TECPR1: variants seen among roughly 807,000 people sequenced by gnomAD.
TECPR1 encodes tectonin beta-propeller repeat-containing protein 1.
TECPR1 carries 122 observed loss-of-function variants against 162.4 expected under a neutral mutation model. The observed-to-expected ratio is 0.75, with a 90% CI of 0.65 to 0.87. TECPR1 has a LOEUF of 0.87. TECPR1 is among the 40% of genes least tolerant of loss of function. The pLI, the probability that TECPR1 is intolerant of heterozygous loss-of-function variation, is 0.00. For synonymous variants in TECPR1, 642 were observed against 670.6 expected (o/e 0.96, Z 0.66); for missense variants, 1,432 against 1,618.2 (o/e 0.88, Z 1.97).
At chr7:98,224,698 G>A (rs1364585673) in intron 19 of TECPR1, 103 bp downstream of exon 19, 1 of 1,170,418 alleles carries the variant, frequency 8.5e-7, no homozygotes, top group African/African-American at 1.5e-5. Flanking sequence ...CAGGCCTAGG[G>A]GGCAGGGTTC....
intron 6 of TECPR1, 29 bp downstream of exon 6, chr7:98,243,438 G>T (rs778843570): frequency 9.0e-5 from 145 of 1,610,352 alleles, no homozygotes; most frequent in Non-Finnish European, 1.1e-4. Context: ...ATCGTGGGGA[G>T]CCAGGGCAGG....
In TECPR1 at chr7:98,217,373, AGGTGTGTGGG is replaced by A; in HGVS notation, c.*7_*16del. 6.8e-7 allele frequency: 1 copy of A among 1,467,532 alleles called. No homozygotes were observed. Among genetic ancestry groups the A allele is most frequent in the Non-Finnish European group, 9.3e-7 (1 of 1,072,316 alleles). The allele number at this position is 1,467,532 out of a possible 1,614,324, so 90.9% of individuals were successfully genotyped here. The stretch of plus-strand genomic sequence containing the variant: ...CAAACTGGGCACCGTCCCTGCATGT[AGGTGTGTGGG>A]GGGGCCTCAGCAGCAGACGGGGCCA... On this transcript the variant is annotated 3_prime_UTR_variant, in exon 26 of 26. Coordinates refer to ENST00000447648, the MANE Select transcript of TECPR1 (RefSeq NM_015395.3).
At chr7:98,227,385 C>T (rs570275807) in intron 17 of TECPR1, among the ~76,000 whole-genome samples, 9 of 141,464 alleles carry the variant, frequency 6.4e-5, no homozygotes, top group African/African-American at 1.8e-4. Context: ...GGGCGAGACT[C>T]GGTCTCAAAA....
In TECPR1 at chr7:98,233,891, T is replaced by C; in HGVS notation, c.1202A>G (p.Asp401Gly). 6.5e-7 allele frequency: 1 copy of C among 1,541,462 alleles called. No homozygotes were observed. The highest frequency in any genetic ancestry group is 1.2e-5 in the South Asian group (1 of 83,662). The stretch of plus-strand genomic sequence containing the variant: ...AGACTCGCCACTACCCCTCACCTCA[T>C]CACCGAAGAAGCAGCCGGCACTGGG... ...SLLSAGCFFG[D>G]EVRGSGESAP... The change falls in exon 11 of 26, where the codon GAT becomes GGT. Residue 401 changes from aspartate to glycine, a missense_variant. Coordinates refer to ENST00000447648, the MANE Select transcript of TECPR1 (RefSeq NM_015395.3).
chr7:98,220,537 A>G (rs1798114817), intron 23 of TECPR1, among the ~76,000 whole-genome samples: 1 of 145,128 alleles, frequency 6.9e-6, no homozygotes, highest in African/African-American at 2.6e-5. Flanking sequence ...AGTAGCTGGG[A>G]TTATAGGTGC....
intron 21 of TECPR1, chr7:98,222,750 G>T: frequency 1.3e-6 from 1 of 783,324 alleles, no homozygotes; most frequent in East Asian, 2.5e-5. Flanking sequence ...GCACCTCACC[G>T]GGGTGCTGAC....
Position 98,223,056 on chromosome 7 carries a change from G to A in TECPR1, c.2862C>T (p.Ala954=), listed in dbSNP as rs370998529. Residue 954 remains alanine, a synonymous_variant, in exon 21 of 26, where the codon GCC becomes GCT. Coordinates refer to ENST00000447648, the MANE Select transcript of TECPR1 (RefSeq NM_015395.3). Reference sequence around the variant, plus strand: ...CCCCCTTGTCGCTGACGGCCCAGAGGGCGATGCTGTGCCCACTCCCCTCGG... The same window carrying A: ...CCCCCTTGTCGCTGACGGCCCAGAGAGCGATGCTGTGCCCACTCCCCTCGG... ...PGAEGSGHSI[A]LWAVSDKGDV... is the part of the protein sequence containing the mutation. 3.1e-6 allele frequency: 5 copies of A among 1,608,294 alleles called. No homozygotes were observed. The African/African-American group carries it at 6.7e-5, about 21-fold the overall frequency.
Position 98,229,167 on chromosome 7 carries a change from CT to C in TECPR1, c.2283-2del. The C allele has an allele frequency of 6.4e-7, 1 of 1,557,282 alleles. No homozygotes were observed. The highest frequency in any genetic ancestry group is 8.7e-7 in the Non-Finnish European group (1 of 1,150,732). ...GTGGCCTCCCATCTGCCGCCAAAACCTGGAAGGATGGGAGAGGGCAGGTGGA... is the reference window on the plus strand; with the variant it reads ...GTGGCCTCCCATCTGCCGCCAAAACCGGAAGGATGGGAGAGGGCAGGTGGA... On this transcript the variant is annotated splice_acceptor_variant, in intron 15 of 25. Coordinates refer to ENST00000447648, the MANE Select transcript of TECPR1 (RefSeq NM_015395.3). LOFTEE classifies it high-confidence loss of function.
At chr7:98,227,941 G>A in intron 17 of TECPR1, 73 bp downstream of exon 17, 2 of 1,252,628 alleles carry the variant, frequency 1.6e-6, no homozygotes, top group African/African-American at 1.5e-5. Flanking sequence ...TACGGTGGAT[G>A]TTGCTGTCCT....
chr7:98,239,999 C>T lies in TECPR1; in HGVS notation c.933+852G>A, dbSNP rs182508983. On this transcript the variant is annotated intron_variant, in intron 8 of 25. Transcript: ENST00000447648. ...GTGGCGGGCGCCTGTAGCCCCGCTA[C>T]GAGGGAGGCTGAGGCAGGAGAATGG... Among the ~76,000 whole-genome samples, 316 of 151,946 alleles carry T rather than the reference C, an allele frequency of 2.1e-3. 1 individual carries two copies. Among genetic ancestry groups the T allele is most frequent in the Middle Eastern group, 0.02 (6 of 294 alleles).
At chr7:98,238,765 C>T (rs535886831) in intron 8 of TECPR1, among the ~76,000 whole-genome samples, 155 bp from the exon 9 acceptor site, 6 of 151,692 alleles carry the variant, frequency 4.0e-5, no homozygotes, top group East Asian at 2.0e-4. Flanking sequence ...AGCCCTTATC[C>T]GTGATCCACG....
At position 98,232,925 on chromosome 7, in the gene TECPR1, G is replaced by A. The variant is rs764828720; in HGVS notation, c.1720C>T (p.Gln574Ter). ...ATCTGCTTCCTCCAGGCAGCGGTCT[G>A]GGCCGGCGTGATGGACAGGGACAGC... ...HMLSLSITPA[Q>*]TAAWRKQIFQ... Residue 574 changes from glutamine (Q) to a stop codon, truncating the protein, a stop_gained, in exon 12 of 26, where the codon CAG becomes TAG. Coordinates refer to ENST00000447648, the MANE Select transcript of TECPR1 (RefSeq NM_015395.3). LOFTEE classifies it high-confidence loss of function. This position sits in a 1 kb window ranked among gnomAD's most constrained non-coding sequence, Gnocchi z 4.6. 1 of 1,612,762 alleles carries A rather than the reference G, an allele frequency of 6.2e-7. No individual in the cohort carries two copies. Among genetic ancestry groups the A allele is most frequent in the Non-Finnish European group, 8.5e-7 (1 of 1,179,804 alleles).
At position 98,224,848 on chromosome 7, in the gene TECPR1, C is replaced by A. The variant is rs373744345; in HGVS notation, c.2643G>T (p.Pro881=). Residue 881 remains proline, a synonymous_variant, in exon 19 of 26, where the codon CCG becomes CCT. Transcript: ENST00000447648. ...VSDWFVDFSV[P]GGTDQEGWQY... is the part of the protein sequence containing the mutation. Reference sequence around the variant, plus strand: ...GCCACCCCTCCTGGTCCGTGCCCCCCGGAACGCTGAAATCCACGAACCAGT... The same window carrying A: ...GCCACCCCTCCTGGTCCGTGCCCCCAGGAACGCTGAAATCCACGAACCAGT... 1.3e-6 allele frequency: 2 copies of A among 1,575,488 alleles called. No individual in the cohort carries two copies. Among genetic ancestry groups the A allele is most frequent in the Non-Finnish European group, 1.7e-6 (2 of 1,161,094 alleles).
rs183958087 is a variant in TECPR1, at chr7:98,226,050, C to T, written c.2514-948G>A. Among the ~76,000 whole-genome samples, 17 of 152,290 alleles carry T rather than the reference C, an allele frequency of 1.1e-4. No individual in the cohort carries two copies. The East Asian group carries it at 3.1e-3, about 28-fold the overall frequency. ...GGCTGAGGCTGAGATGCCTGGAGAA[C>T]GCAGCTGGGGCACGCATTTGTGTTG... On this transcript the variant is annotated intron_variant, in intron 17 of 25. Transcript: ENST00000447648.
intron 16 of TECPR1, chr7:98,228,362 A>C: frequency 4.0e-6 from 2 of 497,046 alleles, no homozygotes; most frequent in Non-Finnish European, 7.4e-6. Context: ...TGTGCATTAA[A>C]TCTCCCATCC....
At chr7:98,236,314 C>T (rs778424095) in intron 10 of TECPR1, among the ~76,000 whole-genome samples, 8 of 152,186 alleles carry the variant, frequency 5.3e-5, no homozygotes, top group African/African-American at 9.6e-5. Context: ...CAGGAGACCC[C>T]GATGCCTGAG....
intron 16 of TECPR1, chr7:98,228,644 C>T (rs529109949): frequency 1.5e-4 from 31 of 211,390 alleles, no homozygotes; most frequent in Admixed American, 7.1e-4. Flanking sequence ...ATGTGGGCTG[C>T]GGCCTGGAAC....
intron 2 of TECPR1, among the ~76,000 whole-genome samples, chr7:98,250,060 G>T (rs1011524237): frequency 2.0e-5 from 3 of 152,248 alleles, no homozygotes; most frequent in South Asian, 2.1e-4. Flanking sequence ...CCAACACACT[G>T]CCAACTCCCT....
At chr7:98,243,895 T>G (rs1798833141) in intron 5 of TECPR1, among the ~76,000 whole-genome samples, 1 of 152,094 alleles carries the variant, frequency 6.6e-6, no homozygotes, top group Admixed American at 6.6e-5. Context: ...ACACCCAGCC[T>G]CTACAAAAAA....
Sources: allele counts gnomAD v4.1 joint callset (sites outside exome capture counted in the v4.1 genomes callset), GRCh38; gene constraint gnomAD v4.1.1; non-coding constraint Gnocchi (gnomAD v3.1); transcripts MANE v1.5; gene names NCBI Gene and HGNC (gene_info 2026-07-23, HGNC 2026-07-21).